The following SP100 variants were observed in gnomAD, a reference collection of about 807,000 sequenced individuals.
The protein encoded by SP100 is SP100 nuclear body protein.
In SP100, 84 loss-of-function variants were observed where a neutral mutation model predicts 130.0. The ratio of observed to expected loss-of-function variants is 0.65; its 90% confidence interval spans 0.54 to 0.77. The LOEUF is 0.77. SP100 is among the 30% of genes least tolerant of loss of function. The pLI is 0.00. For synonymous variants in SP100, 331 were observed against 351.7 expected (o/e 0.94, Z 0.66); for missense variants, 978 against 1,052.2 (o/e 0.93, Z 0.97).
At chr2:230,452,987 A>C (rs142362235) in intron 8 of SP100, among the ~76,000 whole-genome samples, 26 of 152,284 alleles carry the variant, frequency 1.7e-4, no homozygotes, top group Middle Eastern at 6.8e-3. Flanking sequence ...TGTTGAATAG[A>C]AGTGAGAATG....
intron 24 of SP100, among the ~76,000 whole-genome samples, chr2:230,512,460 T>C (rs557959930): frequency 7.7e-4 from 117 of 152,020 alleles, no homozygotes; most frequent in African/African-American, 2.8e-3. Context: ...TGGCTGATTT[T>C]TGTATTTTTA....
intron 24 of SP100, among the ~76,000 whole-genome samples, chr2:230,522,568 T>C (rs949558654): frequency 7.2e-6 from 1 of 139,342 alleles, no homozygotes; most frequent in African/African-American, 2.7e-5. Context: ...AGCTCACTGC[T>C]ACCTCTGCCT....
chr2:230,421,212 T>G (rs545641350), intron 2 of SP100, among the ~76,000 whole-genome samples: 2 of 152,250 alleles, frequency 1.3e-5, no homozygotes, highest in African/African-American at 4.8e-5. Flanking sequence ...TATGAATTCT[T>G]CCCAAGCACT....
chr2:230,519,929 T>C (rs927886917), intron 24 of SP100, among the ~76,000 whole-genome samples: 1 of 152,182 alleles, frequency 6.6e-6, no homozygotes, highest in Non-Finnish European at 1.5e-5. Context: ...GTGTTACACA[T>C]CAAACCAGCT....
intron 2 of SP100, among the ~76,000 whole-genome samples, chr2:230,433,105 G>A (rs2063145230): frequency 6.6e-6 from 1 of 152,154 alleles, no homozygotes; most frequent in Non-Finnish European, 1.5e-5. Context: ...GACTGCACAG[G>A]ATGCATGCCC....
rs1414648974 is a variant in SP100, at chr2:230,539,363, C to T, written c.2191C>T (p.Pro731Ser). ...PRSFHEHCHI[P>S]SVEANKNPWS... ...ATCCTTTCATGAGCACTGCCACATC[C>T]CATCCGTGGAAGCTAACAAGTGAGT... Residue 731 changes from proline to serine, a missense_variant, in exon 25 of 29, where the codon CCA becomes TCA. Transcript: ENST00000340126. The T allele has an allele frequency of 6.2e-7, 1 of 1,613,406 alleles. No homozygotes were observed. Among genetic ancestry groups the T allele is most frequent in the Non-Finnish European group, 8.5e-7 (1 of 1,179,396 alleles).
intron 24 of SP100, among the ~76,000 whole-genome samples, chr2:230,531,320 C>A (rs1473714832): frequency 1.3e-5 from 2 of 150,318 alleles, no homozygotes; most frequent in Admixed American, 6.7e-5. Context: ...ATCACAAGGA[C>A]AGAAAACCAA....
chr2:230,509,236 A>G (rs552372027), intron 23 of SP100: 1 of 152,310 alleles, frequency 6.6e-6, no homozygotes, highest in South Asian at 2.1e-4. Flanking sequence ...TGGCCTCTCC[A>G]AGGCTGGGTA....
chr2:230,539,065 G>T, intron 24 of SP100: 1 of 410,832 alleles, frequency 2.4e-6, no homozygotes, highest in Non-Finnish European at 4.5e-6. Flanking sequence ...GTTTCATAAA[G>T]AAAACTTTTC....
chr2:230,430,318 G>A (rs2063059455), intron 2 of SP100, among the ~76,000 whole-genome samples: 1 of 152,250 alleles, frequency 6.6e-6, no homozygotes, highest in Non-Finnish European at 1.5e-5. Context: ...TAACGGCCAG[G>A]CTCTAAGATG....
chr2:230,485,884 A>T (rs1049625720), intron 17 of SP100, among the ~76,000 whole-genome samples: 42 of 152,258 alleles, frequency 2.8e-4, no homozygotes, highest in Middle Eastern at 3.4e-3. Context: ...TGGGTTTTTT[A>T]AAAGTCAACA....
At chr2:230,440,470 C>T in intron 2 of SP100, 1 of 1,076,728 alleles carries the variant, frequency 9.3e-7, no homozygotes, top group Non-Finnish European at 1.2e-6. Flanking sequence ...TTTTTTATTT[C>T]AATAGGTTTT....
In SP100 at chr2:230,541,902, G is replaced by T. The variant is rs747945084; in HGVS notation, c.2414G>T (p.Gly805Val). 7.4e-6 allele frequency: 12 copies of T among 1,613,776 alleles called. No homozygotes were observed. Among genetic ancestry groups the T allele is most frequent in the African/African-American group, 5.3e-5 (4 of 74,886 alleles). ...TCTTTTACTCAACAGAACAGAGAGG[G>T]GTCTCAGGGCCCACAGAAGCCCATG... ...FASEPYYNRE[G>V]SQGPQKPMWL... The change falls in exon 28 of 29, where the codon GGG becomes GTG. Residue 805 changes from glycine to valine, a missense_variant. Physicochemically the swap from Gly to Val is moderately radical, Grantham distance 109. Coordinates refer to ENST00000340126, the MANE Select transcript of SP100 (RefSeq NM_001080391.2).
intron 23 of SP100, 174 bp downstream of exon 23, chr2:230,508,205 T>C: frequency 9.8e-7 from 1 of 1,021,878 alleles, no homozygotes; most frequent in Non-Finnish European, 1.3e-6. Context: ...CAGGGCTCCT[T>C]TGAACATCAA....
At chr2:230,527,666 A>G (rs1164299014) in intron 24 of SP100, among the ~76,000 whole-genome samples, 5 of 152,218 alleles carry the variant, frequency 3.3e-5, no homozygotes, top group Admixed American at 2.6e-4. Flanking sequence ...AGTGTGCTGT[A>G]TTCAGGAGAC....
At chr2:230,468,517 C>T (rs1388944483) in intron 13 of SP100, among the ~76,000 whole-genome samples, 1 of 152,012 alleles carries the variant, frequency 6.6e-6, no homozygotes, top group East Asian at 1.9e-4. Flanking sequence ...ATTAAAATAT[C>T]TTTGAGGCCA....
At position 230,469,122 on chromosome 2, in the gene SP100, G is replaced by T. The variant is rs749948446; in HGVS notation, c.1345+26G>T. Reference sequence around the variant, plus strand: ...GTAAGAGCAATTAAAAACTCTTGATGTAACAAATGTCTTTATTTGCTGCAA... The same window carrying T: ...GTAAGAGCAATTAAAAACTCTTGATTTAACAAATGTCTTTATTTGCTGCAA... On this transcript the variant is annotated intron_variant, in intron 14 of 28. Transcript: ENST00000340126. 2.2e-6 allele frequency: 3 copies of T among 1,387,410 alleles called. No individual in the cohort carries two copies. In the East Asian group the frequency reaches 6.8e-5, roughly 32 times the overall value. The allele number at this position is 1,387,410 out of a possible 1,614,324, so 85.9% of individuals were successfully genotyped here. A position where few individuals can be genotyped will look rare whatever the true frequency, so the allele number is the denominator to read the frequency against.
intron 15 of SP100, 66 bp from the exon 16 acceptor site, chr2:230,473,258 T>G: frequency 9.3e-7 from 1 of 1,079,688 alleles, no homozygotes; most frequent in Non-Finnish European, 1.4e-6. Context: ...TCACTAATGT[T>G]GGGGGGAAGG....
At chr2:230,465,420 A>T (rs1413216164) in intron 11 of SP100, among the ~76,000 whole-genome samples, 1 of 152,170 alleles carries the variant, frequency 6.6e-6, no homozygotes, top group African/African-American at 2.4e-5. Flanking sequence ...GTAAAAAAGA[A>T]CGAGATCATG....
Sources: allele counts gnomAD v4.1 joint callset (sites outside exome capture counted in the v4.1 genomes callset), GRCh38; gene constraint gnomAD v4.1.1; transcripts MANE v1.5; gene names NCBI Gene and HGNC (gene_info 2026-07-23, HGNC 2026-07-21).